KCNQ5: variants seen among roughly 807,000 people sequenced by gnomAD.
KCNQ5 encodes the protein potassium voltage-gated channel subfamily Q member 5.
In KCNQ5, 30 loss-of-function variants were observed where a neutral mutation model predicts 98.2. The ratio of observed to expected loss-of-function variants is 0.31; its 90% CI spans 0.23 to 0.41. The LOEUF (loss-of-function observed/expected upper bound fraction) is 0.41. Ranked by LOEUF, KCNQ5 falls within the 10% of genes least tolerant of loss-of-function variation. The pLI is 1.00. For synonymous variants in KCNQ5, 458 were observed against 449.4 expected (o/e 1.02, Z -0.24); for missense variants, 835 against 1,182.5 (o/e 0.71, Z 4.31).
At chr6:72,915,873 G>A (rs182455855) in intron 1 of KCNQ5, among the ~76,000 whole-genome samples, 161 of 152,216 alleles carry the variant, frequency 1.1e-3, no homozygotes, top group African/African-American at 3.7e-3. Context: ...AAATAAATCT[G>A]GCTTGAAATG....
chr6:72,682,443 G>A (rs1350336239), intron 1 of KCNQ5, among the ~76,000 whole-genome samples: 3 of 152,040 alleles, frequency 2.0e-5, no homozygotes, highest in African/African-American at 4.8e-5. Context: ...AAAAGGATTT[G>A]TACCTTTTTT....
chr6:72,988,561 G>A (rs1369257694), intron 1 of KCNQ5, among the ~76,000 whole-genome samples: 1 of 151,624 alleles, frequency 6.6e-6, no homozygotes, highest in African/African-American at 2.4e-5. Context: ...GTACTGTGAT[G>A]ACTACCAGAG....
chr6:72,697,487 T>G (rs766340103), intron 1 of KCNQ5, among the ~76,000 whole-genome samples: 3 of 152,162 alleles, frequency 2.0e-5, no homozygotes, highest in Non-Finnish European at 2.9e-5. Context: ...AACCTTAAAC[T>G]ATATACAGTG....
intron 1 of KCNQ5, among the ~76,000 whole-genome samples, chr6:72,647,262 G>GA (rs911051795): frequency 3.9e-5 from 6 of 151,936 alleles, no homozygotes; most frequent in Non-Finnish European, 8.8e-5. Flanking sequence ...GAAATGGGAT[G>GA]AAAAAAATGG....
chr6:72,861,079 G>A (rs1219277581), intron 1 of KCNQ5, among the ~76,000 whole-genome samples: 1 of 148,854 alleles, frequency 6.7e-6, no homozygotes, highest in Non-Finnish European at 1.5e-5. Context: ...TTGCTATCCA[G>A]TCCTCTAAAA....
intron 1 of KCNQ5, among the ~76,000 whole-genome samples, chr6:72,892,393 A>T (rs1304237727): frequency 6.6e-6 from 1 of 152,218 alleles, no homozygotes; most frequent in African/African-American, 2.4e-5. Context: ...CCCTTGACAT[A>T]CATAGGTCTT....
chr6:73,183,706 G>A (rs1293354180), intron 11 of KCNQ5, among the ~76,000 whole-genome samples: 2 of 152,198 alleles, frequency 1.3e-5, no homozygotes, highest in Non-Finnish European at 2.9e-5. Context: ...TTTTGATCAT[G>A]AAAATCGTGT....
chr6:73,112,587 C>T (rs1188036682), intron 7 of KCNQ5, among the ~76,000 whole-genome samples: 1 of 152,124 alleles, frequency 6.6e-6, no homozygotes, highest in Non-Finnish European at 1.5e-5. Context: ...CCTCGTGATC[C>T]GCCCACCTCG....
At chr6:73,088,533 AC>A (rs1185466415) in intron 5 of KCNQ5, among the ~76,000 whole-genome samples, 1 of 151,852 alleles carries the variant, frequency 6.6e-6, no homozygotes, top group Non-Finnish European at 1.5e-5. Context: ...GTGTCCCTGG[AC>A]CCTTTCTGTG....
rs574387750 is a variant in KCNQ5 at position 73,155,474 on chromosome 6, G to A, written c.1469-14272G>A. 7.2e-5 allele frequency among the ~76,000 whole-genome samples: 11 copies of A among 152,296 alleles called. No individual in the cohort carries two copies. In the South Asian group the frequency reaches 1.2e-3, roughly 17 times the overall value. ...TGGGAGAATGTCCAATGATGATGAT[G>A]CTTGAACAGCACCTAGGAAAGCAGT... On this transcript the variant is annotated intron_variant, in intron 10 of 13. Coordinates refer to ENST00000370398, the MANE Select transcript of KCNQ5 (RefSeq NM_019842.4).
At chr6:72,896,527 G>T (rs372037277) in intron 1 of KCNQ5, among the ~76,000 whole-genome samples, 17 of 152,048 alleles carry the variant, frequency 1.1e-4, no homozygotes, top group African/African-American at 4.1e-4. Context: ...CTGTAATTGC[G>T]GAGATTCAGA....
At chr6:72,841,587 G>A (rs1776793858) in intron 1 of KCNQ5, among the ~76,000 whole-genome samples, 1 of 152,140 alleles carries the variant, frequency 6.6e-6, no homozygotes, top group Admixed American at 6.5e-5. Context: ...AACTGTTAAA[G>A]AGTATAGTGC....
intron 1 of KCNQ5, among the ~76,000 whole-genome samples, chr6:72,769,952 C>A (rs929280501): frequency 6.6e-6 from 1 of 152,068 alleles, no homozygotes; most frequent in Non-Finnish European, 1.5e-5. Context: ...GTTTTACCTT[C>A]TCTCACACCC....
In KCNQ5 at chr6:73,139,548, C is replaced by T. The variant is rs935595507; in HGVS notation, c.1468+5907C>T. ...ATTCTGTCTATATGTCATTTCTGTT[C>T]CTCTAAATGTCCGGGCTTTTAAAAA... On this transcript the variant is annotated intron_variant, in intron 10 of 13. Transcript: ENST00000370398. Among the ~76,000 whole-genome samples the T allele has an allele frequency of 9.2e-5, 14 of 152,204 alleles. 1 individual carries two copies. In the South Asian group the frequency reaches 2.7e-3, roughly 29 times the overall value.
At chr6:72,923,671 A>C (rs1227189193) in intron 1 of KCNQ5, among the ~76,000 whole-genome samples, 1 of 152,202 alleles carries the variant, frequency 6.6e-6, no homozygotes, top group Non-Finnish European at 1.5e-5. Flanking sequence ...AGTACCCAAT[A>C]GGTAGTTTTT....
At chr6:73,161,681 G>A (rs1038372648) in intron 10 of KCNQ5, among the ~76,000 whole-genome samples, 3 of 152,098 alleles carry the variant, frequency 2.0e-5, no homozygotes, top group Non-Finnish European at 2.9e-5. Context: ...CTAAGAAAAA[G>A]AACTAGAAAC....
At chr6:73,068,465 T>C (rs928936366) in intron 3 of KCNQ5, among the ~76,000 whole-genome samples, 3 of 152,228 alleles carry the variant, frequency 2.0e-5, no homozygotes, top group Admixed American at 6.5e-5. Context: ...GTAATAATAA[T>C]AGTAATAATA....
At chr6:73,067,865 T>TAG (rs1483797403) in intron 3 of KCNQ5, among the ~76,000 whole-genome samples, 2 of 444 alleles carry the variant, frequency 4.5e-3, no homozygotes, top group African/African-American at 6.4e-3. Flanking sequence ...GGACAAAAGA[T>TAG]ATATATATAT....
chr6:73,109,487 T>G (rs1318865969), intron 6 of KCNQ5, among the ~76,000 whole-genome samples: 1 of 152,180 alleles, frequency 6.6e-6, no homozygotes, highest in Non-Finnish European at 1.5e-5. Context: ...TTTCATATTC[T>G]CTTACATGTC....
Sources: allele counts gnomAD v4.1 joint callset (sites outside exome capture counted in the v4.1 genomes callset), GRCh38; gene constraint gnomAD v4.1.1; transcripts MANE v1.5; gene names NCBI Gene and HGNC (gene_info 2026-07-23, HGNC 2026-07-21).